INPP4B: variants seen among roughly 807,000 people sequenced by gnomAD.
INPP4B encodes inositol polyphosphate 4-phosphatase type II.
In INPP4B, 55 loss-of-function variants were observed where a neutral mutation model predicts 122.5. The ratio of observed to expected loss-of-function variants is 0.45; its 90% CI spans 0.36 to 0.56. The LOEUF is 0.56. INPP4B is among the 20% of genes least tolerant of loss of function. INPP4B has a pLI of 0.00. For missense variants in INPP4B, 1,000 were observed against 1,097.7 expected (o/e 0.91, Z 1.26); for synonymous variants, 403 against 388.7 (o/e 1.04, Z -0.43).
intron 2 of INPP4B, among the ~76,000 whole-genome samples, chr4:142,696,587 C>A (rs1408371481): frequency 1.3e-5 from 2 of 152,180 alleles, no homozygotes; most frequent in Non-Finnish European, 2.9e-5. Context: ...ACTGCTTACA[C>A]CCACTTAAAC....
intron 7 of INPP4B, among the ~76,000 whole-genome samples, chr4:142,384,338 A>AT (rs2148897663): frequency 6.6e-6 from 1 of 152,298 alleles, no homozygotes; most frequent in East Asian, 1.9e-4. Flanking sequence ...TCATTAGGAG[A>AT]TTTTGTCATT....
chr4:142,735,054 G>A (rs1766661089), intron 1 of INPP4B, among the ~76,000 whole-genome samples: 2 of 152,122 alleles, frequency 1.3e-5, no homozygotes, highest in South Asian at 2.1e-4. Context: ...TTGGAGAACC[G>A]ACGTTTCAGG....
intron 18 of INPP4B, among the ~76,000 whole-genome samples, chr4:142,130,833 C>T (rs1348745327): frequency 6.6e-6 from 1 of 152,162 alleles, no homozygotes; most frequent in African/African-American, 2.4e-5. Context: ...GCAACCTTCC[C>T]TCATGTCCAG....
chr4:142,486,977 C>G (rs2149763316), intron 2 of INPP4B, among the ~76,000 whole-genome samples: 1 of 152,202 alleles, frequency 6.6e-6, no homozygotes, highest in South Asian at 2.1e-4. Flanking sequence ...GCTCTGTGTC[C>G]CCTCCCAAAT....
intron 11 of INPP4B, among the ~76,000 whole-genome samples, chr4:142,255,912 C>T (rs1455609304): frequency 6.8e-6 from 1 of 146,626 alleles, no homozygotes; most frequent in Non-Finnish European, 1.5e-5. Flanking sequence ...TTTTTTTCAG[C>T]ACCACACCAC....
chr4:142,716,488 C>T lies in INPP4B; in HGVS notation c.-191+9351G>A, dbSNP rs146542133. On this transcript the variant is annotated intron_variant, in intron 2 of 25. Coordinates refer to ENST00000262992, the MANE Select transcript of INPP4B (RefSeq NM_001101669.3). Reference sequence around the variant, plus strand: ...TAACTGTTGCATTATCTTCCCCAAACGGCAGAACAAAAAATTACTGGCTGC... The same window carrying T: ...TAACTGTTGCATTATCTTCCCCAAATGGCAGAACAAAAAATTACTGGCTGC... Among the ~76,000 whole-genome samples, 1,480 of 152,172 alleles carry T rather than the reference C, an allele frequency of 9.7e-3. 21 individuals are homozygous for T. Among genetic ancestry groups the T allele is most frequent in the African/African-American group, 0.031 (1,278 of 41,504 alleles).
At chr4:142,049,583 G>A (rs1014219218) in intron 25 of INPP4B, among the ~76,000 whole-genome samples, 5 of 151,946 alleles carry the variant, frequency 3.3e-5, no homozygotes, top group African/African-American at 1.2e-4. Context: ...AAGCGGACTG[G>A]TGGTTTGGAA....
chr4:142,478,434 T>C (rs1397087285), intron 2 of INPP4B, among the ~76,000 whole-genome samples: 1 of 152,164 alleles, frequency 6.6e-6, no homozygotes, highest in Admixed American at 6.6e-5. Flanking sequence ...TTTTTAGGTA[T>C]TATTTTATTA....
intron 11 of INPP4B, among the ~76,000 whole-genome samples, chr4:142,251,275 A>T (rs929746581): frequency 4.6e-5 from 7 of 152,210 alleles, no homozygotes; most frequent in Admixed American, 2.0e-4. Context: ...TAATTATAGT[A>T]TAGATGATTT....
chr4:142,045,751 C>CT (rs1403940727), intron 25 of INPP4B, among the ~76,000 whole-genome samples: 6 of 152,026 alleles, frequency 3.9e-5, no homozygotes, highest in African/African-American at 1.4e-4. Flanking sequence ...TTCTAATTTA[C>CT]TTTTTTAGTC....
At chr4:142,123,077 G>A (rs1797231347) in intron 20 of INPP4B, among the ~76,000 whole-genome samples, 1 of 152,016 alleles carries the variant, frequency 6.6e-6, no homozygotes, top group Non-Finnish European at 1.5e-5. Context: ...CTGCTCAGGA[G>A]TCCACTCTGA....
chr4:142,498,952 G>T (rs536120911), intron 2 of INPP4B, among the ~76,000 whole-genome samples: 9 of 152,254 alleles, frequency 5.9e-5, no homozygotes, highest in African/African-American at 2.2e-4. Context: ...TTATGAGTTA[G>T]TATTGTCAAA....
chr4:142,217,563 T>C (rs1046152394), intron 12 of INPP4B, among the ~76,000 whole-genome samples: 2 of 152,214 alleles, frequency 1.3e-5, no homozygotes, highest in Non-Finnish European at 2.9e-5. Context: ...TCTGTAATCC[T>C]AGATTAAGCA....
At chr4:142,599,163 G>T (rs1212415058) in intron 2 of INPP4B, among the ~76,000 whole-genome samples, 1 of 152,104 alleles carries the variant, frequency 6.6e-6, no homozygotes, top group Non-Finnish European at 1.5e-5. Context: ...CACCACAATG[G>T]TTCCCAGGTT....
chr4:142,287,917 C>G (rs1424746786), intron 9 of INPP4B, among the ~76,000 whole-genome samples: 2 of 152,138 alleles, frequency 1.3e-5, no homozygotes, highest in Non-Finnish European at 2.9e-5. Context: ...GAGTTGGGTT[C>G]TGGTGAGGGC....
chr4:142,249,316 T>C (rs528281629), intron 11 of INPP4B, among the ~76,000 whole-genome samples: 1 of 152,206 alleles, frequency 6.6e-6, no homozygotes, highest in Admixed American at 6.5e-5. Context: ...TTTGGCATGG[T>C]AATTTGAGGG....
intron 1 of INPP4B, among the ~76,000 whole-genome samples, chr4:142,769,734 G>A (rs1772742405): frequency 6.6e-6 from 1 of 151,932 alleles, no homozygotes; most frequent in African/African-American, 2.4e-5. Flanking sequence ...GGCCAACATG[G>A]TAAAACCCCA....
At chr4:142,820,630 T>G (rs1209578148) in intron 1 of INPP4B, among the ~76,000 whole-genome samples, 3 of 152,088 alleles carry the variant, frequency 2.0e-5, no homozygotes, top group Admixed American at 2.0e-4. Context: ...TGTAATAAAT[T>G]TTGAGTAGGT....
intron 3 of INPP4B, among the ~76,000 whole-genome samples, chr4:142,439,426 T>A (rs1183522205): frequency 6.6e-6 from 1 of 152,218 alleles, no homozygotes; most frequent in Non-Finnish European, 1.5e-5. Flanking sequence ...TCATTTCATC[T>A]TGGCATCTGT....
Sources: allele counts gnomAD v4.1 joint callset (sites outside exome capture counted in the v4.1 genomes callset), GRCh38; gene constraint gnomAD v4.1.1; transcripts MANE v1.5; gene names NCBI Gene and HGNC (gene_info 2026-07-23, HGNC 2026-07-21).